Variants in CFAP65 observed in about 807,000 individuals in gnomAD.
The protein encoded by CFAP65 is cilia and flagella associated protein 65, also known as cilia- and flagella-associated protein 65.
CFAP65 carries 155 observed loss-of-function variants against 208.0 expected under a neutral mutation model. That is an observed-to-expected ratio of 0.75 (90% confidence interval 0.65 to 0.85). CFAP65 has a LOEUF of 0.85. CFAP65 is among the 40% of genes least tolerant of loss of function. The probability of loss-of-function intolerance (pLI) is 0.00; values close to 1 mark genes in which losing one functional copy is unlikely to be tolerated. For missense variants in CFAP65, 2,294 were observed against 2,451.3 expected, an observed-to-expected ratio of 0.94 and a Z score of 1.36; for synonymous variants, 970 against 986.3, an observed-to-expected ratio of 0.98 and a Z score of 0.31.
At chr2:219,024,470 A>AGGGAGACGGGGGGGGGGGGGG (rs1168795562) in intron 14 of CFAP65, among the ~76,000 whole-genome samples, 1 of 6,934 alleles carries the variant, frequency 1.4e-4, no homozygotes, top group African/African-American at 7.1e-4. Context: ...ACCTCCAGAA[A>AGGGAGACGGGGGGGGGGGGGG]GGGGCGGGGG....
At chr2:219,021,685 A>AC (rs1947271227) in intron 18 of CFAP65, 95 bp downstream of exon 18, 1 of 1,381,468 alleles carries the variant, frequency 7.2e-7, no homozygotes, top group South Asian at 1.3e-5. Context: ...AGCTGGGACT[A>AC]CAGGCGCGTG....
At chr2:219,005,951 G>T in intron 31 of CFAP65, 70 bp downstream of exon 31, 1 of 1,490,566 alleles carries the variant, frequency 6.7e-7, no homozygotes, top group Non-Finnish European at 9.2e-7. Context: ...GGTCTGGGCA[G>T]CCCCTGCTCT....
Position 219,024,249 on chromosome 2 carries a change from T to C in CFAP65, c.2361A>G (p.Ala787=). 1 of 1,611,578 alleles carries C rather than the reference T, an allele frequency of 6.2e-7. No homozygotes were observed. Residue 787 remains alanine (A), a synonymous_variant, in exon 15 of 35, where the codon GCA becomes GCG. Coordinates refer to ENST00000341552, the MANE Select transcript of CFAP65 (RefSeq NM_194302.4). ...YSLDVPKLFP[A]VSSGEPTYRS... is the part of the protein sequence containing the mutation. The stretch of plus-strand genomic sequence containing the variant: ...GGTAGGTGGGCTCACCGGAGGACAC[T>C]GCTGGAAATAGCTGGGGGTGGGAGA...
chr2:219,018,457 C>A (rs1947051775), intron 21 of CFAP65: 2 of 152,580 alleles, frequency 1.3e-5, no homozygotes, highest in African/African-American at 2.4e-5. Flanking sequence ...CTCAACTTGC[C>A]CCCATTCAGG....
chr2:219,012,652 G>A (rs1443053751), intron 24 of CFAP65, among the ~76,000 whole-genome samples: 2 of 152,256 alleles, frequency 1.3e-5, no homozygotes, highest in African/African-American at 2.4e-5. Context: ...CAAGGAAACT[G>A]TATTGCCTTC....
At chr2:219,029,131 G>A (rs1313166122) in intron 11 of CFAP65, among the ~76,000 whole-genome samples, 2 of 152,170 alleles carry the variant, frequency 1.3e-5, no homozygotes, top group African/African-American at 4.8e-5. Flanking sequence ...GGGAGGCTGC[G>A]AGTCCAAGCC....
At chr2:219,030,339 C>G in intron 9 of CFAP65, 131 bp from the exon 10 acceptor site, 1 of 928,270 alleles carries the variant, frequency 1.1e-6, no homozygotes, top group South Asian at 1.5e-5. Context: ...CTGTGCCCCA[C>G]TGGCCAGACT....
intron 5 of CFAP65, chr2:219,034,645 T>C (rs1473122622): frequency 1.3e-5 from 2 of 151,662 alleles, no homozygotes; most frequent in African/African-American, 2.4e-5. Flanking sequence ...TGGCAAAGAG[T>C]TTGTAATTGG....
intron 29 of CFAP65, among the ~76,000 whole-genome samples, chr2:219,007,178 C>G (rs931096571): frequency 1.5e-5 from 2 of 137,132 alleles, no homozygotes; most frequent in South Asian, 2.2e-4. Context: ...GTTTTTTTTT[C>G]TTTGTTTTTT....
chr2:219,025,659 A>G (rs1318024497), intron 14 of CFAP65, among the ~76,000 whole-genome samples: 1 of 152,158 alleles, frequency 6.6e-6, no homozygotes, highest in Non-Finnish European at 1.5e-5. Flanking sequence ...TGCGGCTGTC[A>G]TATCCCTGGG....
At position 219,023,196 on chromosome 2, in the gene CFAP65, G is replaced by A; in HGVS notation, c.2820+11C>T. Reference sequence around the variant, plus strand: ...AGGTTGCCGTCACTCGGCAGGAGGGGAGCCACTCACAAGTCTCTCGTTGGG... The same window carrying A: ...AGGTTGCCGTCACTCGGCAGGAGGGAAGCCACTCACAAGTCTCTCGTTGGG... On this transcript the variant is annotated intron_variant, in intron 16 of 34. Transcript: ENST00000341552. 1 of 1,607,564 alleles carries A rather than the reference G, an allele frequency of 6.2e-7. No homozygotes were observed. The highest frequency in any genetic ancestry group is 1.7e-5 in the Admixed American group (1 of 59,886).
chr2:219,024,287 C>A, intron 14 of CFAP65, 27 bp from the exon 15 acceptor site: 1 of 1,593,986 alleles, frequency 6.3e-7, no homozygotes, highest in Non-Finnish European at 8.5e-7. Context: ...AGGAAAGCGG[C>A]CCCCCGCTCA....
At position 219,028,007 on chromosome 2, in the gene CFAP65, A is replaced by T. The variant is rs1947759800; in HGVS notation, c.1854T>A (p.Asp618Glu). 6.6e-7 allele frequency: 1 copy of T among 1,517,022 alleles called. No homozygotes were observed. Among genetic ancestry groups the T allele is most frequent in the Non-Finnish European group, 8.8e-7 (1 of 1,134,182 alleles). 94.0% of individuals were successfully genotyped at this position (1,517,022 alleles called of 1,614,324 possible). A position where few individuals can be genotyped will look rare whatever the true frequency, so the allele number is the denominator to read the frequency against. The change falls in exon 13 of 35, where the codon GAT (aspartate) becomes GAA (glutamate). Residue 618 changes from aspartate (D) to glutamate (E), a missense_variant and splice_region_variant. This residue lies in a region of CFAP65 where 867 missense variants were observed against 1,012.6 expected (regional missense o/e 0.86). Transcript: ENST00000341552. ...QNGALMIPIQ[D>E]LEDMPAPQYP... ...ACTGCGGGGCCGGCATGTCCTCCAG[A>T]TCCTGCATGGGGAAAGACAGGTGGA...
At chr2:219,022,108 C>G in intron 17 of CFAP65, 63 bp downstream of exon 17, 1 of 1,514,486 alleles carries the variant, frequency 6.6e-7, no homozygotes, top group South Asian at 1.3e-5. Context: ...TTCCCTGGGG[C>G]CTTCCCTCCC....
At chr2:219,026,884 G>A (rs1394113055) in intron 13 of CFAP65, 11 of 986,442 alleles carry the variant, frequency 1.1e-5, no homozygotes, top group Admixed American at 1.2e-4. Context: ...GCATTAGGAC[G>A]GGGGCAACCA....
In CFAP65 at chr2:219,038,357, C is replaced by A. The variant is rs150380045; in HGVS notation, c.357+18G>T. The A allele has an allele frequency of 6.2e-7, 1 of 1,610,490 alleles. No individual in the cohort carries two copies. The highest frequency in any genetic ancestry group is 1.3e-5 in the African/African-American group (1 of 74,688). On this transcript the variant is annotated intron_variant, in intron 4 of 34. Coordinates refer to ENST00000341552, the MANE Select transcript of CFAP65 (RefSeq NM_194302.4). The stretch of plus-strand genomic sequence containing the variant: ...GCCCTGCCACACCCTGCTCTGCCTG[C>A]CCTGGCTGTATCCTTACCTGGGCGC...
Position 219,021,370 on chromosome 2 carries a change from G to A in CFAP65, c.3131-90C>T, listed in dbSNP as rs1158977703. On this transcript the variant is annotated intron_variant, in intron 18 of 34. Coordinates refer to ENST00000341552, the MANE Select transcript of CFAP65 (RefSeq NM_194302.4). ...TGTAGATACCCTTCCCTGGGCACCA[G>A]GGGAGGACAGCAGGCCCTGAGGCAG... 4 of 1,405,300 alleles carry A rather than the reference G, an allele frequency of 2.8e-6. No individual in the cohort carries two copies. In the African/African-American group the frequency reaches 4.4e-5, roughly 15 times the overall value. The allele number at this position is 1,405,300 out of a possible 1,614,324, so 87.1% of individuals were successfully genotyped here. A position where few individuals can be genotyped will look rare whatever the true frequency, so the allele number is the denominator to read the frequency against.
Position 219,006,050 on chromosome 2 carries a change from G to A in CFAP65, c.4893C>T (p.Phe1631=). 3 of 1,613,306 alleles carry A rather than the reference G, an allele frequency of 1.9e-6. No individual in the cohort carries two copies. Among genetic ancestry groups the A allele is most frequent in the Non-Finnish European group, 2.5e-6 (3 of 1,180,012 alleles). Residue 1631 remains phenylalanine, a synonymous_variant, in exon 31 of 35, where the codon TTC becomes TTT. Transcript: ENST00000341552. ...HATDYFLANF[F]SEFPCHFLHR... ...GCAAAAAGTGGCAGGGAAACTCTGA[G>A]AAGAAGTTAGCCAGAAAGTAGTCGG... is the stretch of plus-strand genomic sequence containing the variant.
chr2:219,021,386 C>T, intron 18 of CFAP65, 106 bp from the exon 19 acceptor site: 1 of 1,339,914 alleles, frequency 7.5e-7, no homozygotes. Flanking sequence ...GACAGCAGGC[C>T]CTGAGGCAGG....
Sources: gnomAD v4.1 joint callset for allele counts (sites outside exome capture counted in the v4.1 genomes callset) on GRCh38, gnomAD v4.1.1 for gene constraint, gnomAD v4.1.1 regional missense constraint, MANE v1.5 for transcripts, NCBI Gene and HGNC (gene_info 2026-07-23, HGNC 2026-07-21) for gene names.